The following ATL2 variants were observed in gnomAD, a reference collection of about 807,000 sequenced individuals.
ATL2 encodes the protein atlastin GTPase 2, also known as atlastin-2.
A neutral mutation model predicts 73.9 loss-of-function variants in ATL2; 31 were observed. The ratio of observed to expected loss-of-function variants is 0.42; its 90% CI spans 0.32 to 0.57. The LOEUF (loss-of-function observed/expected upper bound fraction) is 0.57. Among genes scored for constraint, ATL2 ranks in the 20% least tolerant of loss-of-function variants. The probability of loss-of-function intolerance (pLI) is 0.14; values close to 1 mark genes in which losing one functional copy is unlikely to be tolerated. For synonymous variants in ATL2, 291 were observed against 237.5 expected, an observed-to-expected ratio of 1.23 and a Z score of -2.07; for missense variants, 738 against 702.6, an observed-to-expected ratio of 1.05 and a Z score of -0.57.
At chr2:38,362,891 G>C (rs72906103) in intron 1 of ATL2, among the ~76,000 whole-genome samples, 2 of 152,198 alleles carry the variant, frequency 1.3e-5, no homozygotes, top group Non-Finnish European at 2.9e-5. Context: ...TCTCCTACAA[G>C]ATGACATTTG....
At chr2:38,348,407 G>A (rs568757087) in intron 1 of ATL2, among the ~76,000 whole-genome samples, 5 of 151,730 alleles carry the variant, frequency 3.3e-5, no homozygotes, top group South Asian at 2.1e-4. Context: ...CGGAGGTTGC[G>A]GTGAGCCAAG....
intron 1 of ATL2, among the ~76,000 whole-genome samples, chr2:38,363,018 C>A (rs960677158): frequency 6.6e-6 from 1 of 152,202 alleles, no homozygotes; most frequent in African/African-American, 2.4e-5. Flanking sequence ...GTAGCTTTTA[C>A]TACAGAAGAG....
intron 10 of ATL2, among the ~76,000 whole-genome samples, chr2:38,300,024 C>G (rs538530590): frequency 6.6e-6 from 1 of 152,216 alleles, no homozygotes; most frequent in South Asian, 2.1e-4. Flanking sequence ...ATACTTTGAG[C>G]ATCTGAAGAG....
At chr2:38,375,032 A>T (rs907473201) in intron 1 of ATL2, among the ~76,000 whole-genome samples, 3 of 152,238 alleles carry the variant, frequency 2.0e-5, no homozygotes, top group African/African-American at 7.2e-5. Context: ...ATTTAATCAT[A>T]TCTACAGAAT....
At chr2:38,302,900 T>C (rs1160795968) in intron 9 of ATL2, among the ~76,000 whole-genome samples, 2 of 152,136 alleles carry the variant, frequency 1.3e-5, no homozygotes, top group Non-Finnish European at 2.9e-5. Flanking sequence ...TACCTAACTC[T>C]TCAATGTCCA....
At position 38,309,382 on chromosome 2, in the gene ATL2, A is replaced by C; in HGVS notation, c.1068T>G (p.Phe356Leu). 1 of 1,604,824 alleles carries C rather than the reference A, an allele frequency of 6.2e-7. No individual in the cohort carries two copies. The highest frequency in any genetic ancestry group is 8.5e-7 in the Non-Finnish European group (1 of 1,178,332). The change falls in exon 9 of 13, where the codon TTT (phenylalanine) becomes TTG (leucine). Residue 356 changes from phenylalanine (F) to leucine (L), a missense_variant. Transcript: ENST00000378954. ...AACTGTTTAAGAGCTCACCTACCTTAAAATATTCTACAAGATCTCTACAAG... is the reference window on the plus strand; with the variant it reads ...AACTGTTTAAGAGCTCACCTACCTTCAAATATTCTACAAGATCTCTACAAG... ...KVTCRDLVEY[F>L]KAYIKIYQGE...
intron 1 of ATL2, among the ~76,000 whole-genome samples, chr2:38,356,845 G>A (rs1307420318): frequency 6.6e-6 from 1 of 151,862 alleles, no homozygotes; most frequent in Non-Finnish European, 1.5e-5. Context: ...TTGTATGAAC[G>A]GTCTATTCAC....
intron 9 of ATL2, among the ~76,000 whole-genome samples, chr2:38,306,595 A>G (rs187873104): frequency 9.8e-5 from 15 of 152,302 alleles, no homozygotes; most frequent in Admixed American, 1.3e-4. Context: ...CAATCAATCA[A>G]TCAGTCAGTC....
chr2:38,330,899 G>A (rs2148460965), intron 2 of ATL2, among the ~76,000 whole-genome samples: 1 of 152,296 alleles, frequency 6.6e-6, no homozygotes, highest in East Asian at 1.9e-4. Context: ...GGGATTGCAA[G>A]GAACCCAAAA....
At chr2:38,296,161 A>G (rs1558378444) in intron 12 of ATL2, 48 bp from the exon 13 acceptor site, 1 of 1,506,854 alleles carries the variant, frequency 6.6e-7, no homozygotes, top group Middle Eastern at 1.7e-4. Context: ...GAGGTAAAAA[A>G]AGAGTTACAT....
intron 1 of ATL2, among the ~76,000 whole-genome samples, chr2:38,345,903 G>A (rs1669990273): frequency 6.6e-6 from 1 of 152,232 alleles, no homozygotes; most frequent in Non-Finnish European, 1.5e-5. Context: ...TCATAGGGTT[G>A]TCATCAGGAT....
At chr2:38,333,271 A>G (rs895965022) in intron 2 of ATL2, among the ~76,000 whole-genome samples, 51 of 152,226 alleles carry the variant, frequency 3.4e-4, no homozygotes, top group African/African-American at 1.2e-3. Flanking sequence ...CCTGGGCAAC[A>G]GAGCGAGACG....
At position 38,347,767 on chromosome 2, in the gene ATL2, C is replaced by CTT. The variant is rs1177228968; in HGVS notation, c.119-4257_119-4256dup. 8.0e-3 allele frequency among the ~76,000 whole-genome samples: 1,069 copies of CTT among 133,894 alleles called. 37 individuals carry two copies. In the East Asian group the frequency reaches 0.11, roughly 14 times the overall value. The allele number at this position is 133,894 out of a possible 152,430, so 87.8% of individuals were successfully genotyped here. A position where few individuals can be genotyped will look rare whatever the true frequency, so the allele number is the denominator to read the frequency against. On this transcript the variant is annotated intron_variant, in intron 1 of 12. Transcript: ENST00000378954. The stretch of plus-strand genomic sequence containing the variant: ...TCAGGAGTCTTACATCTGCCCTTAC[C>CTT]TTTTTTTTTTTTTTTTTTTTAAGGC...
rs779385852 is a variant in ATL2 at position 38,305,507 on chromosome 2, C to A, written c.1071+3872G>T. On this transcript the variant is annotated intron_variant, in intron 9 of 12. Coordinates refer to ENST00000378954, the MANE Select transcript of ATL2 (RefSeq NM_001135673.4). The stretch of plus-strand genomic sequence containing the variant: ...GAGGTTGCAGTGAGCCGAGACTGCT[C>A]CGCTGCACTCCAGCCTGGGCAAAAC... 5.9e-5 allele frequency among the ~76,000 whole-genome samples: 9 copies of A among 152,168 alleles called. No homozygotes were observed. In the East Asian group the frequency reaches 1.5e-3, roughly 26 times the overall value.
chr2:38,320,389 A>T (rs759715756), intron 2 of ATL2, among the ~76,000 whole-genome samples: 5 of 152,192 alleles, frequency 3.3e-5, no homozygotes, highest in Non-Finnish European at 5.9e-5. Context: ...TCCGGGAGGT[A>T]AGGAAAAAAG....
upstream of ATL2, among the ~76,000 whole-genome samples, chr2:38,377,694 G>A (rs1672072951): frequency 6.6e-6 from 1 of 152,104 alleles, no homozygotes; most frequent in South Asian, 2.1e-4. Flanking sequence ...CGTGCGTCCT[G>A]CACGTGAGGT....
chr2:38,345,449 G>A (rs902328297), intron 1 of ATL2, among the ~76,000 whole-genome samples: 3 of 152,070 alleles, frequency 2.0e-5, no homozygotes, highest in Admixed American at 2.0e-4. Flanking sequence ...TCCACATCAC[G>A]AGGCACCTTT....
chr2:38,318,719 A>G, intron 3 of ATL2, 80 bp from the exon 4 acceptor site: 1 of 1,362,996 alleles, frequency 7.3e-7, no homozygotes, highest in Non-Finnish European at 1.0e-6. Context: ...ATAAATTTGA[A>G]AAGCAGTAAT....
intron 2 of ATL2, among the ~76,000 whole-genome samples, chr2:38,334,887 A>ATATTATATTATT (rs1669231661): frequency 3.2e-5 from 1 of 30,874 alleles, no homozygotes; most frequent in Admixed American, 5.2e-4. Flanking sequence ...ATTATATAAT[A>ATATTATATTATT]TATAATATAT....
Sources: gnomAD v4.1 joint callset for allele counts (sites outside exome capture counted in the v4.1 genomes callset) on GRCh38, gnomAD v4.1.1 for gene constraint, MANE v1.5 for transcripts, NCBI Gene and HGNC (gene_info 2026-07-23, HGNC 2026-07-21) for gene names.